CRTAC1: variants seen among roughly 807,000 people sequenced by gnomAD.
CRTAC1 encodes the protein cartilage acidic protein 1, also known as acidic secreted protein in cartilage.
CRTAC1 carries 37 observed loss-of-function variants against 67.8 expected under a neutral mutation model. The ratio of observed to expected loss-of-function variants is 0.55; its 90% CI spans 0.42 to 0.72. CRTAC1 has a LOEUF of 0.72. Ranked by LOEUF, CRTAC1 falls within the 30% of genes least tolerant of loss-of-function variation. CRTAC1 has a pLI of 0.00. For missense variants in CRTAC1, 780 were observed against 931.6 expected, an observed-to-expected ratio of 0.84 and a Z score of 2.12; for synonymous variants, 348 against 371.0, an observed-to-expected ratio of 0.94 and a Z score of 0.71.
intron 2 of CRTAC1, among the ~76,000 whole-genome samples, chr10:97,963,893 C>T (rs1011336265): frequency 6.6e-6 from 1 of 152,152 alleles, no homozygotes; most frequent in African/African-American, 2.4e-5. Flanking sequence ...TGTGTAAGGA[C>T]ACATAGGTAG....
chr10:97,886,928 A>G (rs113026850), intron 11 of CRTAC1, among the ~76,000 whole-genome samples: 49 of 150,126 alleles, frequency 3.3e-4, no homozygotes, highest in African/African-American at 1.2e-3. Flanking sequence ...TACAGACGTG[A>G]CCCACCACAC....
chr10:97,867,139 C>T (rs2050036858), intron 14 of CRTAC1: 1 of 152,220 alleles, frequency 6.6e-6, no homozygotes, highest in Admixed American at 6.5e-5. Flanking sequence ...TGTGTTCAGC[C>T]TGCCCAGGGG....
At chr10:97,900,954 G>T (rs79161741) in intron 8 of CRTAC1, among the ~76,000 whole-genome samples, 1 of 101,602 alleles carries the variant, frequency 9.8e-6, no homozygotes, top group Admixed American at 9.6e-5. Flanking sequence ...AGTGATTGGA[G>T]CCCGTAGCCC....
chr10:97,926,870 C>T (rs1008405727), intron 3 of CRTAC1, among the ~76,000 whole-genome samples: 2 of 152,166 alleles, frequency 1.3e-5, no homozygotes, highest in African/African-American at 4.8e-5. Context: ...GCCTGGGAGC[C>T]TCTGAGGATG....
intron 3 of CRTAC1, among the ~76,000 whole-genome samples, chr10:97,927,343 C>G (rs1225908238): frequency 1.3e-5 from 2 of 152,168 alleles, no homozygotes; most frequent in Admixed American, 1.3e-4. Context: ...TTGGAGATTC[C>G]CCCTGGACAT....
At chr10:97,983,544 G>C (rs1442051419) in intron 2 of CRTAC1, among the ~76,000 whole-genome samples, 1 of 152,134 alleles carries the variant, frequency 6.6e-6, no homozygotes, top group Non-Finnish European at 1.5e-5. Context: ...CAAAGAGATA[G>C]AAATTTCAAG....
intron 2 of CRTAC1, among the ~76,000 whole-genome samples, chr10:98,005,100 A>ATTTTTTTTTTTTTGTTTT (rs1842762738): frequency 2.0e-5 from 1 of 48,926 alleles, no homozygotes; most frequent in Non-Finnish European, 3.5e-5. Context: ...ATATATATAT[A>ATTTTTTTTTTTTTGTTTT]TTTTTTTTTT....
intron 2 of CRTAC1, among the ~76,000 whole-genome samples, chr10:97,957,989 CT>C (rs1296531657): frequency 6.6e-6 from 1 of 152,086 alleles, no homozygotes; most frequent in African/African-American, 2.4e-5. Flanking sequence ...TCTCTTCCTT[CT>C]TTCTTTTAAA....
intron 2 of CRTAC1, among the ~76,000 whole-genome samples, chr10:97,991,099 C>CCAAAAAAAAAAAAAA (rs1554932158): frequency 5.6e-5 from 1 of 17,978 alleles, no homozygotes; most frequent in African/African-American, 1.9e-4. Flanking sequence ...ACCATCTCTA[C>CCAAAAAAAAAAAAAA]AAAAAAAAAA....
intron 2 of CRTAC1, among the ~76,000 whole-genome samples, chr10:97,971,119 T>C (rs2051704318): frequency 6.6e-6 from 1 of 152,250 alleles, no homozygotes; most frequent in Non-Finnish European, 1.5e-5. Flanking sequence ...TATACTCTGA[T>C]AGAGGCAGTA....
At chr10:97,965,221 A>C (rs2136646356) in intron 2 of CRTAC1, among the ~76,000 whole-genome samples, 1 of 152,382 alleles carries the variant, frequency 6.6e-6, no homozygotes, top group Middle Eastern at 3.4e-3. Flanking sequence ...ATATTAAAAT[A>C]ATAGCAGATA....
intron 3 of CRTAC1, among the ~76,000 whole-genome samples, chr10:97,924,654 G>C (rs532740473): frequency 9.9e-4 from 151 of 152,348 alleles, no homozygotes; most frequent in African/African-American, 3.6e-3. Context: ...TTACAGTCAA[G>C]TTTACTGTGA....
In CRTAC1 at chr10:97,895,239, A is replaced by G; in HGVS notation, c.1486+6T>C. ...GCTCACTGTCCCCCACCGGACCCCG[A>G]CTCACCCAGGCCAAAGTGTGCCACG... On this transcript the variant is annotated splice_donor_region_variant and intron_variant, in intron 11 of 14. Transcript: ENST00000370597. The surrounding 1 kb of genome is among the most constrained non-coding windows in gnomAD (Gnocchi z 4.2). The G allele has an allele frequency of 6.2e-7, 1 of 1,608,484 alleles. No homozygotes were observed. Among genetic ancestry groups the G allele is most frequent in the Non-Finnish European group, 8.5e-7 (1 of 1,179,784 alleles).
At chr10:97,889,642 C>T (rs976671206) in intron 11 of CRTAC1, among the ~76,000 whole-genome samples, 8 of 152,058 alleles carry the variant, frequency 5.3e-5, no homozygotes, top group Admixed American at 2.6e-4. Flanking sequence ...GGAGCAGACA[C>T]GATGTACATG....
chr10:97,972,231 C>G (rs1229260359), intron 2 of CRTAC1, among the ~76,000 whole-genome samples: 1 of 152,196 alleles, frequency 6.6e-6, no homozygotes, highest in Non-Finnish European at 1.5e-5. Context: ...AAGAGAGTAC[C>G]ATGAGTCAGG....
chr10:97,895,224 C>A lies in CRTAC1; in HGVS notation c.1486+21G>T. 1.2e-6 allele frequency: 2 copies of A among 1,603,396 alleles called. No individual in the cohort carries two copies. The highest frequency in any genetic ancestry group is 1.7e-6 in the Non-Finnish European group (2 of 1,178,762). On this transcript the variant is annotated intron_variant, in intron 11 of 14. Coordinates refer to ENST00000370597, the MANE Select transcript of CRTAC1 (RefSeq NM_018058.7). The surrounding 1 kb of genome is among the most constrained non-coding windows in gnomAD (Gnocchi z 4.2). ...AGCATCCTGATAACAGCTCACTGTC[C>A]CCCACCGGACCCCGACTCACCCAGG...
intron 2 of CRTAC1, among the ~76,000 whole-genome samples, chr10:97,944,410 C>T (rs543356964): frequency 1.4e-5 from 2 of 148,050 alleles, no homozygotes; most frequent in Middle Eastern, 3.4e-3. Context: ...CAAGCCTGGG[C>T]AACAAGAGTG....
At chr10:97,954,172 C>A (rs1044092500) in intron 2 of CRTAC1, among the ~76,000 whole-genome samples, 8 of 152,168 alleles carry the variant, frequency 5.3e-5, no homozygotes, top group Admixed American at 5.2e-4. Context: ...GGCTCAGCTC[C>A]ACTTTCCTGG....
intron 2 of CRTAC1, among the ~76,000 whole-genome samples, chr10:97,994,586 C>T (rs1336695082): frequency 6.6e-6 from 1 of 152,192 alleles, no homozygotes; most frequent in Non-Finnish European, 1.5e-5. Flanking sequence ...TCCTCGTCTT[C>T]TCTCTGGATG....
Sources: gnomAD v4.1 joint callset for allele counts (sites outside exome capture counted in the v4.1 genomes callset) on GRCh38, gnomAD v4.1.1 for gene constraint, Gnocchi (gnomAD v3.1) non-coding constraint, MANE v1.5 for transcripts, NCBI Gene and HGNC (gene_info 2026-07-23, HGNC 2026-07-21) for gene names.